The following JAM3 variants were observed in gnomAD, a reference collection of about 807,000 sequenced individuals.
JAM3 encodes junctional adhesion molecule 3.
A neutral mutation model predicts 39.4 loss-of-function variants in JAM3; 31 were observed. The observed-to-expected ratio is 0.79, with a 90% CI of 0.59 to 1.06. The LOEUF (loss-of-function observed/expected upper bound fraction) is 1.06. Among genes scored for constraint, JAM3 ranks in the 50% least tolerant of loss-of-function variants. The probability of loss-of-function intolerance (pLI) is 0.00; values close to 1 mark genes in which losing one functional copy is unlikely to be tolerated. For missense variants in JAM3, 455 were observed against 391.4 expected (o/e 1.16, Z -1.37); for synonymous variants, 182 against 148.7 (o/e 1.22, Z -1.63).
At chr11:134,129,764 G>A (rs1942730007) in intron 1 of JAM3, among the ~76,000 whole-genome samples, 1 of 152,192 alleles carries the variant, frequency 6.6e-6, no homozygotes, top group African/African-American at 2.4e-5. Flanking sequence ...CACTTTGGGA[G>A]GCCGAGGTGG....
intron 1 of JAM3, among the ~76,000 whole-genome samples, chr11:134,127,116 G>T (rs925531313): frequency 6.6e-6 from 1 of 152,208 alleles, no homozygotes; most frequent in Non-Finnish European, 1.5e-5. Context: ...GGAAGAAGAA[G>T]AATTGTAGGC....
intron 1 of JAM3, among the ~76,000 whole-genome samples, chr11:134,077,739 CA>C (rs1941596400): frequency 6.9e-6 from 1 of 145,220 alleles, no homozygotes; most frequent in African/African-American, 2.6e-5. Flanking sequence ...GAAATCACTG[CA>C]ACCTCAAGTG....
rs1359787689 is a variant in JAM3 at position 134,150,091 on chromosome 11, TAA to T, written c.*911_*912del. 1.3e-5 allele frequency: 2 copies of T among 155,234 alleles called. No homozygotes were observed. Among genetic ancestry groups the T allele is most frequent in the African/African-American group, 4.8e-5 (2 of 41,458 alleles). The allele number at this position is 155,234 out of a possible 1,614,324, so 9.6% of individuals were successfully genotyped here. A position where few individuals can be genotyped will look rare whatever the true frequency, so the allele number is the denominator to read the frequency against. ...TGTTAAATTGGAAAATATCAATAAT[TAA>T]GAGTATTTTACCCAAGGAATCCTCT... On this transcript the variant is annotated 3_prime_UTR_variant, in exon 9 of 9. Transcript: ENST00000299106.
At chr11:134,140,117 G>T (rs1230083173) in intron 2 of JAM3, among the ~76,000 whole-genome samples, 1 of 152,168 alleles carries the variant, frequency 6.6e-6, no homozygotes, top group Admixed American at 6.5e-5. Context: ...AGCTGTCATC[G>T]CACTCCTGCC....
chr11:134,091,072 G>A (rs1284660778), intron 1 of JAM3, among the ~76,000 whole-genome samples: 1 of 152,188 alleles, frequency 6.6e-6, no homozygotes, highest in East Asian at 1.9e-4. Flanking sequence ...AATAGTGTCA[G>A]TGGTATTTTC....
At chr11:134,098,243 G>A (rs1241574657) in intron 1 of JAM3, among the ~76,000 whole-genome samples, 1 of 152,148 alleles carries the variant, frequency 6.6e-6, no homozygotes, top group Non-Finnish European at 1.5e-5. Context: ...TTTACAAATG[G>A]ACTGCTTTTT....
At chr11:134,129,475 CTTCT>C (rs1942722509) in intron 1 of JAM3, among the ~76,000 whole-genome samples, 1 of 152,040 alleles carries the variant, frequency 6.6e-6, no homozygotes, top group Non-Finnish European at 1.5e-5. Context: ...CCCTTATGAC[CTTCT>C]TTAACATTAA....
At chr11:134,083,586 T>G (rs1296408503) in intron 1 of JAM3, among the ~76,000 whole-genome samples, 1 of 152,164 alleles carries the variant, frequency 6.6e-6, no homozygotes, top group Non-Finnish European at 1.5e-5. Flanking sequence ...ATTTCCTACA[T>G]GCAGAGTAAG....
intron 1 of JAM3, among the ~76,000 whole-genome samples, chr11:134,116,135 T>G (rs1942428160): frequency 6.6e-6 from 1 of 152,198 alleles, no homozygotes; most frequent in Non-Finnish European, 1.5e-5. Flanking sequence ...TAAGCTTCAC[T>G]TCCTGGAGGG....
intron 1 of JAM3, among the ~76,000 whole-genome samples, chr11:134,119,766 A>C (rs550471678): frequency 6.6e-6 from 1 of 150,588 alleles, no homozygotes; most frequent in Non-Finnish European, 1.5e-5. Context: ...TGTTAATCTC[A>C]TCTTAAAAAC....
chr11:134,126,556 T>G (rs1255416485), intron 1 of JAM3: 3 of 152,208 alleles, frequency 2.0e-5, no homozygotes, highest in Non-Finnish European at 4.4e-5. Flanking sequence ...CTGGGTTACT[T>G]TTTATACAGA....
At chr11:134,122,950 A>C (rs575256229) in intron 1 of JAM3, among the ~76,000 whole-genome samples, 1 of 152,158 alleles carries the variant, frequency 6.6e-6, no homozygotes, top group Non-Finnish European at 1.5e-5. Context: ...TTAGAAGACA[A>C]GTTTCTGGGA....
At chr11:134,118,939 C>A (rs1028719308) in intron 1 of JAM3, among the ~76,000 whole-genome samples, 3 of 149,602 alleles carry the variant, frequency 2.0e-5, no homozygotes, top group Admixed American at 1.3e-4. Context: ...TGTTATCTGA[C>A]TGGATTAATC....
chr11:134,130,865 G>A (rs1942756698), intron 1 of JAM3, among the ~76,000 whole-genome samples: 1 of 152,168 alleles, frequency 6.6e-6, no homozygotes, highest in African/African-American at 2.4e-5. Flanking sequence ...TCTCTGTCTT[G>A]TATAATCAGG....
chr11:134,108,454 A>T (rs1942244375), intron 1 of JAM3, among the ~76,000 whole-genome samples: 1 of 152,222 alleles, frequency 6.6e-6, no homozygotes, highest in African/African-American at 2.4e-5. Context: ...AATTACCCTG[A>T]TATCAAAACC....
intron 1 of JAM3, among the ~76,000 whole-genome samples, chr11:134,099,068 T>C (rs1471776491): frequency 6.6e-6 from 1 of 152,060 alleles, no homozygotes; most frequent in Non-Finnish European, 1.5e-5. Context: ...TGTGTGGTGG[T>C]GCATGCCTGT....
intron 1 of JAM3, among the ~76,000 whole-genome samples, chr11:134,113,782 C>T (rs1376852550): frequency 5.9e-5 from 9 of 152,272 alleles, no homozygotes; most frequent in African/African-American, 1.7e-4. Flanking sequence ...TCTTCCACAA[C>T]GGTTGAACTA....
intron 1 of JAM3, among the ~76,000 whole-genome samples, chr11:134,073,435 C>T (rs1025273289): frequency 1.3e-5 from 2 of 152,162 alleles, no homozygotes; most frequent in African/African-American, 4.8e-5. Flanking sequence ...TTCTATGGTT[C>T]AGCCTTCTTC....
intron 2 of JAM3, 40 bp from the exon 3 acceptor site, chr11:134,140,617 C>G (rs780694750): frequency 1.3e-5 from 20 of 1,539,706 alleles, no homozygotes; most frequent in Non-Finnish European, 1.8e-5. Context: ...TAGAAGCACT[C>G]CACATTCACC....
Sources: gnomAD v4.1 joint callset for allele counts (sites outside exome capture counted in the v4.1 genomes callset) on GRCh38, gnomAD v4.1.1 for gene constraint, MANE v1.5 for transcripts, NCBI Gene and HGNC (gene_info 2026-07-23, HGNC 2026-07-21) for gene names.